Variants in UST observed in about 807,000 individuals in gnomAD.
UST encodes the protein uronyl 2-sulfotransferase.
A neutral mutation model predicts 45.6 loss-of-function variants in UST; 21 were observed. That is an observed-to-expected ratio of 0.46 (90% confidence interval 0.33 to 0.66). UST has a LOEUF of 0.66. Among genes scored for constraint, UST ranks in the 30% least tolerant of loss-of-function variants. UST has a pLI of 0.02. For synonymous variants in UST, 215 were observed against 200.6 expected (o/e 1.07, Z -0.61); for missense variants, 463 against 512.4 (o/e 0.90, Z 0.93).
At chr6:148,942,088 G>T (rs534042127) in intron 3 of UST, among the ~76,000 whole-genome samples, 129 of 152,130 alleles carry the variant, frequency 8.5e-4, no homozygotes, top group Non-Finnish European at 1.6e-3. Flanking sequence ...CAGTCTCTGT[G>T]GGGGTGCTTT....
intron 5 of UST, among the ~76,000 whole-genome samples, chr6:149,018,736 A>T (rs1039349831): frequency 2.0e-5 from 3 of 152,240 alleles, no homozygotes; most frequent in Non-Finnish European, 4.4e-5. Flanking sequence ...GCATGGATAC[A>T]CAGAGAAGCC....
intron 1 of UST, among the ~76,000 whole-genome samples, chr6:148,753,108 A>G (rs901086156): frequency 2.6e-5 from 4 of 152,210 alleles, no homozygotes; most frequent in African/African-American, 9.6e-5. Flanking sequence ...ACATTTCAGC[A>G]TTTGCTATTA....
At chr6:148,911,737 C>T (rs957216522) in intron 2 of UST, among the ~76,000 whole-genome samples, 18 of 151,912 alleles carry the variant, frequency 1.2e-4, no homozygotes, top group Non-Finnish European at 2.6e-4. Flanking sequence ...GACATGAAAC[C>T]GGAATTGTCT....
At chr6:148,786,976 C>CT (rs1187276667) in intron 1 of UST, among the ~76,000 whole-genome samples, 2 of 152,062 alleles carry the variant, frequency 1.3e-5, no homozygotes, top group African/African-American at 4.8e-5. Context: ...TGATGTTGAG[C>CT]TTTTTTTCAT....
At chr6:149,044,631 C>T (rs1400753231) in intron 7 of UST, among the ~76,000 whole-genome samples, 2 of 152,200 alleles carry the variant, frequency 1.3e-5, no homozygotes, top group African/African-American at 4.8e-5. Flanking sequence ...CGCTCTGCCT[C>T]ATTCGGCCAT....
chr6:149,072,078 G>A (rs1776827058), intron 7 of UST, among the ~76,000 whole-genome samples: 1 of 152,174 alleles, frequency 6.6e-6, no homozygotes, highest in South Asian at 2.1e-4. Context: ...GAAGAAATTG[G>A]AACCTTCACA....
intron 7 of UST, among the ~76,000 whole-genome samples, chr6:149,042,955 TTTTCTTTCTTTCTTTCTTTCTTTC>T (rs1158496318): frequency 1.0e-4 from 11 of 109,076 alleles, no homozygotes; most frequent in South Asian, 3.2e-4. Context: ...ATCACCATCC[TTTTCTTTCTTTCTTTCTTTCTTTC>T]TTTCTTTCTT....
chr6:149,012,716 A>T (rs1775832765), intron 5 of UST, among the ~76,000 whole-genome samples: 1 of 148,582 alleles, frequency 6.7e-6, no homozygotes, highest in Non-Finnish European at 1.5e-5. Context: ...ATTAAATTGT[A>T]TTGTTGTTTT....
At chr6:148,928,018 G>C (rs1335277634) in intron 2 of UST, among the ~76,000 whole-genome samples, 14 of 152,210 alleles carry the variant, frequency 9.2e-5, no homozygotes, top group Admixed American at 9.2e-4. Flanking sequence ...CTGGAGGGGA[G>C]GTATTTGTGT....
chr6:149,023,885 G>A (rs890504573), intron 7 of UST, among the ~76,000 whole-genome samples: 6 of 152,162 alleles, frequency 3.9e-5, no homozygotes, highest in East Asian at 1.9e-4. Context: ...CCTTTATTCC[G>A]TGATCTGAAA....
intron 1 of UST, among the ~76,000 whole-genome samples, chr6:148,873,355 C>G (rs1472886490): frequency 6.6e-6 from 1 of 152,102 alleles, no homozygotes; most frequent in Non-Finnish European, 1.5e-5. Flanking sequence ...CTCTCCACCC[C>G]CTGTTATCAC....
intron 1 of UST, among the ~76,000 whole-genome samples, chr6:148,795,821 C>T (rs1338504956): frequency 6.6e-6 from 1 of 152,096 alleles, no homozygotes; most frequent in Non-Finnish European, 1.5e-5. Context: ...AATATTGACT[C>T]ATTTATTTTG....
At chr6:148,895,306 C>A (rs73778944) in intron 2 of UST, among the ~76,000 whole-genome samples, 22,090 of 152,004 alleles carry the variant, frequency 0.15, 1,851 homozygotes, top group African/African-American at 0.22. Context: ...ACACAAAAAA[C>A]ATATTATATT....
intron 7 of UST, among the ~76,000 whole-genome samples, chr6:149,031,298 G>A (rs1776137888): frequency 6.6e-6 from 1 of 151,750 alleles, no homozygotes; most frequent in African/African-American, 2.4e-5. Flanking sequence ...AACACATAAT[G>A]TAAACCCCTT....
intron 5 of UST, among the ~76,000 whole-genome samples, chr6:149,003,999 C>T (rs1781601483): frequency 1.3e-5 from 2 of 152,160 alleles, no homozygotes; most frequent in African/African-American, 2.4e-5. Context: ...CGAATTACAG[C>T]AACTTAAATT....
rs10699115 is a variant in UST at position 148,828,230 on chromosome 6, ATTATTTAT to A, written c.248-58732_248-58725del. Among the ~76,000 whole-genome samples, 1,054 of 148,706 alleles carry A rather than the reference ATTATTTAT, an allele frequency of 7.1e-3. 13 individuals carry two copies. Among genetic ancestry groups the A allele is most frequent in the African/African-American group, 0.017 (705 of 40,428 alleles). On this transcript the variant is annotated intron_variant, in intron 1 of 7. Coordinates refer to ENST00000367463, the MANE Select transcript of UST (RefSeq NM_005715.3). ...GCTCCTAAGTACTTTGTTAGTCTAT[ATTATTTAT>A]TTATTTATTTATTTATTTATTTACA...
At chr6:148,849,074 T>C (rs1194768625) in intron 1 of UST, among the ~76,000 whole-genome samples, 1 of 152,162 alleles carries the variant, frequency 6.6e-6, no homozygotes, top group Non-Finnish European at 1.5e-5. Context: ...CTCCTCCTTT[T>C]TGTTCTGTTC....
intron 1 of UST, among the ~76,000 whole-genome samples, chr6:148,824,574 G>C (rs1049140718): frequency 2.6e-5 from 4 of 152,058 alleles, no homozygotes; most frequent in African/African-American, 9.7e-5. Context: ...CATTGAAGAG[G>C]TGTGAGCTAC....
intron 1 of UST, among the ~76,000 whole-genome samples, chr6:148,838,736 C>T (rs1354149244): frequency 6.6e-6 from 1 of 152,014 alleles, no homozygotes; most frequent in Non-Finnish European, 1.5e-5. Context: ...TCACCCCTGT[C>T]TCTACAGAAT....
Sources: gnomAD v4.1 joint callset for allele counts (sites outside exome capture counted in the v4.1 genomes callset) on GRCh38, gnomAD v4.1.1 for gene constraint, MANE v1.5 for transcripts, NCBI Gene and HGNC (gene_info 2026-07-23, HGNC 2026-07-21) for gene names.